Variants in SLC12A2 observed in about 807,000 individuals in gnomAD.
SLC12A2 encodes solute carrier family 12 member 2, also known as Na-K-2Cl cotransporter 1.
Under a neutral mutation model 136.3 loss-of-function variants are expected in SLC12A2, and 67 were observed. The observed-to-expected ratio is 0.49, with a 90% confidence interval of 0.40 to 0.60. SLC12A2 has a LOEUF of 0.60. SLC12A2 is among the 20% of genes least tolerant of loss of function. The pLI is 0.00. For synonymous variants in SLC12A2, 619 were observed against 562.9 expected (o/e 1.10, Z -1.41); for missense variants, 1,322 against 1,534.7 (o/e 0.86, Z 2.32).
intron 1 of SLC12A2, among the ~76,000 whole-genome samples, chr5:128,086,504 T>A (rs751299516): frequency 1.6e-4 from 24 of 152,194 alleles, no homozygotes; most frequent in Non-Finnish European, 2.9e-4. Context: ...TATTTCCCTC[T>A]TATATTGGCC....
In SLC12A2 at chr5:128,173,535, G is replaced by C. The variant is rs535709721; in HGVS notation, c.2804-1006G>C. On this transcript the variant is annotated intron_variant, in intron 19 of 26. Coordinates refer to ENST00000262461, the MANE Select transcript of SLC12A2 (RefSeq NM_001046.3). ...GTTTTAAAACAGGAATTTGGGAATA[G>C]GAATTAAGAGCATAGGCATTGGAGT... Among the ~76,000 whole-genome samples, 121 of 152,286 alleles carry C rather than the reference G, an allele frequency of 7.9e-4. 1 individual carries two copies. The South Asian group carries it at 0.023, about 28-fold the overall frequency.
rs1763803768 is a variant in SLC12A2, at chr5:128,184,467, T to C, written c.3401T>C (p.Ile1134Thr). 6.2e-7 allele frequency: 1 copy of C among 1,608,092 alleles called. No individual in the cohort carries two copies. The highest frequency in any genetic ancestry group is 1.3e-5 in the African/African-American group (1 of 74,734). Residue 1134 changes from isoleucine (I) to threonine (T), a missense_variant, in exon 25 of 27, where the codon ATA (isoleucine) becomes ACA (threonine). By Grantham distance (89) the Ile-to-Thr change is moderately conservative (BLOSUM62 -1). Around this residue, in one of 8 missense-constraint regions of SLC12A2, gnomAD observed 172 missense variants for 227.4 expected, o/e 0.76. Transcript: ENST00000262461. ...ATGAAAGAAGATGAACCATGGCGAA[T>C]AACAGATAATGAGCTTGAACTTTAT... ...DKMKEDEPWR[I>T]TDNELELYKT...
At chr5:128,179,697 A>G (rs1416522675) in intron 22 of SLC12A2, among the ~76,000 whole-genome samples, 5 of 152,084 alleles carry the variant, frequency 3.3e-5, no homozygotes, top group African/African-American at 4.8e-5. Flanking sequence ...TCTCATGAGA[A>G]CTATCACAAA....
intron 4 of SLC12A2, among the ~76,000 whole-genome samples, chr5:128,125,562 C>T (rs115230058): frequency 0.032 from 4,830 of 152,162 alleles, 102 homozygotes; most frequent in Non-Finnish European, 0.045. Context: ...TTCGGTTTGA[C>T]ATATATATTG....
chr5:128,135,838 G>A (rs1561679970), intron 7 of SLC12A2, 30 bp downstream of exon 7: 1 of 1,181,858 alleles, frequency 8.5e-7, no homozygotes. Flanking sequence ...TATTTTTTAA[G>A]GGTACCTATT....
intron 1 of SLC12A2, among the ~76,000 whole-genome samples, chr5:128,086,714 G>C (rs1561647927): frequency 6.6e-6 from 1 of 152,106 alleles, no homozygotes; most frequent in Admixed American, 6.5e-5. Flanking sequence ...AGATAATTTT[G>C]CTTAGAATTT....
chr5:128,083,880 C>T lies in SLC12A2; in HGVS notation c.-75C>T, dbSNP rs1759895944. The T allele has an allele frequency of 9.0e-7, 1 of 1,114,372 alleles. No individual in the cohort carries two copies. 69.0% of individuals were successfully genotyped at this position (1,114,372 alleles called of 1,614,324 possible). On this transcript the variant is annotated 5_prime_UTR_variant, in exon 1 of 27. Coordinates refer to ENST00000262461, the MANE Select transcript of SLC12A2 (RefSeq NM_001046.3). The stretch of plus-strand genomic sequence containing the variant: ...CCTGGTCTTGCGGCTGTGGCCACCG[C>T]CGGCCAGGGGTGTGGAGGGCGTGCT...
At chr5:128,170,101 G>T (rs998298396) in intron 18 of SLC12A2, 2 of 152,064 alleles carry the variant, frequency 1.3e-5, no homozygotes, top group Non-Finnish European at 2.9e-5. Flanking sequence ...TTTATATATT[G>T]TGTTTTTATT....
At chr5:128,157,982 AAAC>A in intron 15 of SLC12A2, 68 bp from the exon 16 acceptor site, 1 of 1,288,634 alleles carries the variant, frequency 7.8e-7, no homozygotes, top group Non-Finnish European at 1.1e-6. Context: ...CTTCTTAGGG[AAAC>A]AACTTAAAAT....
intron 4 of SLC12A2, among the ~76,000 whole-genome samples, chr5:128,117,762 TAATC>T (rs1170039277): frequency 1.3e-5 from 2 of 152,030 alleles, no homozygotes; most frequent in African/African-American, 4.8e-5. Context: ...GCAAAAGAAA[TAATC>T]AGCCAGAGTA....
intron 1 of SLC12A2, among the ~76,000 whole-genome samples, chr5:128,092,507 T>G (rs1760370638): frequency 6.6e-6 from 1 of 152,326 alleles, no homozygotes; most frequent in South Asian, 2.1e-4. Flanking sequence ...GATAGAAATA[T>G]AATATGAACT....
chr5:128,137,632 A>AG (rs1467194935), intron 7 of SLC12A2, among the ~76,000 whole-genome samples: 2 of 152,246 alleles, frequency 1.3e-5, no homozygotes, highest in Admixed American at 1.3e-4. Flanking sequence ...TTGAGGTGCT[A>AG]GAAAGCTCTA....
intron 26 of SLC12A2, 91 bp downstream of exon 26, chr5:128,184,947 C>G (rs1172822763): frequency 1.8e-6 from 2 of 1,107,656 alleles, no homozygotes; most frequent in Non-Finnish European, 2.7e-6. Context: ...TATATAACAC[C>G]CATATTGACT....
intron 1 of SLC12A2, among the ~76,000 whole-genome samples, chr5:128,107,051 T>A (rs1269457839): frequency 6.6e-6 from 1 of 152,194 alleles, no homozygotes; most frequent in Non-Finnish European, 1.5e-5. Context: ...ATAAGGGAAC[T>A]CCTCCTTAAA....
intron 4 of SLC12A2, among the ~76,000 whole-genome samples, chr5:128,130,036 T>G (rs1203556854): frequency 2.9e-5 from 3 of 102,798 alleles, no homozygotes; most frequent in Admixed American, 1.2e-4. Context: ...TGAGACTTTG[T>G]TTTTTTTTTT....
chr5:128,089,557 TACC>T (rs1339256963), intron 1 of SLC12A2, among the ~76,000 whole-genome samples: 6 of 152,074 alleles, frequency 3.9e-5, no homozygotes, highest in Admixed American at 6.6e-5. Context: ...CCTTGGGGAT[TACC>T]ACCACCATTT....
intron 18 of SLC12A2, chr5:128,169,783 ATTCT>A (rs1763313118): frequency 6.6e-6 from 1 of 152,180 alleles, no homozygotes; most frequent in Non-Finnish European, 1.5e-5. Flanking sequence ...TTTTTTACAA[ATTCT>A]TTCATACACC....
chr5:128,153,241 A>T (rs1199726649), intron 15 of SLC12A2, among the ~76,000 whole-genome samples: 1 of 152,228 alleles, frequency 6.6e-6, no homozygotes, highest in African/African-American at 2.4e-5. Flanking sequence ...ATTTTCCTCA[A>T]TAAATGACTT....
chr5:128,085,355 A>G (rs1760062448), intron 1 of SLC12A2, among the ~76,000 whole-genome samples: 1 of 152,034 alleles, frequency 6.6e-6, no homozygotes, highest in African/African-American at 2.4e-5. Flanking sequence ...TTAAAAAAAA[A>G]GGGACAGAGG....
Sources: gnomAD v4.1 joint callset for allele counts (sites outside exome capture counted in the v4.1 genomes callset) on GRCh38, gnomAD v4.1.1 for gene constraint, gnomAD v4.1.1 regional missense constraint, MANE v1.5 for transcripts, NCBI Gene and HGNC (gene_info 2026-07-23, HGNC 2026-07-21) for gene names.